GABRG1: variants seen among roughly 807,000 people sequenced by gnomAD.
The protein encoded by GABRG1 is gamma-aminobutyric acid receptor subunit gamma-1.
GABRG1 carries 49 observed loss-of-function variants against 49.8 expected under a neutral mutation model. The observed-to-expected ratio is 0.98, with a 90% CI of 0.78 to 1.25. The LOEUF (loss-of-function observed/expected upper bound fraction) is 1.25. Ranked by LOEUF, GABRG1 falls within the 50% of genes most tolerant of loss-of-function variation. GABRG1 has a pLI of 0.00. For missense variants in GABRG1, 552 were observed against 552.3 expected (o/e 1.00, Z 0.01); for synonymous variants, 232 against 185.1 (o/e 1.25, Z -2.06).
At chr4:46,051,721 GA>G in intron 7 of GABRG1, 83 bp from the exon 8 acceptor site, 1 of 803,300 alleles carries the variant, frequency 1.2e-6, no homozygotes, top group Non-Finnish European at 2.0e-6. Flanking sequence ...TATTGTGAGT[GA>G]AATTAAACAA....
At chr4:46,066,050 T>G (rs1420931486) in intron 3 of GABRG1, among the ~76,000 whole-genome samples, 1 of 152,128 alleles carries the variant, frequency 6.6e-6, no homozygotes, top group Non-Finnish European at 1.5e-5. Flanking sequence ...GCATGAGTCA[T>G]GTAAAATGAA....
chr4:46,112,182 T>G (rs1217021144), intron 1 of GABRG1, among the ~76,000 whole-genome samples: 1 of 151,044 alleles, frequency 6.6e-6, no homozygotes, highest in African/African-American at 2.4e-5. Flanking sequence ...GGAAAATACA[T>G]GAACAGACAT....
intron 2 of GABRG1, among the ~76,000 whole-genome samples, chr4:46,094,344 A>C (rs1032491179): frequency 9.9e-5 from 15 of 152,016 alleles, no homozygotes; most frequent in African/African-American, 3.4e-4. Context: ...ACATTGTCTC[A>C]TCTCTACTCT....
At chr4:46,061,100 G>A (rs1329006776) in intron 5 of GABRG1, among the ~76,000 whole-genome samples, 1 of 152,062 alleles carries the variant, frequency 6.6e-6, no homozygotes, top group African/African-American at 2.4e-5. Flanking sequence ...CAAAACCAGA[G>A]AGCTATCACA....
intron 1 of GABRG1, among the ~76,000 whole-genome samples, chr4:46,113,220 A>T (rs1275855478): frequency 1.3e-5 from 2 of 151,158 alleles, no homozygotes; most frequent in African/African-American, 4.8e-5. Flanking sequence ...ATTTATAAAG[A>T]AAAGAGGTTT....
intron 1 of GABRG1, among the ~76,000 whole-genome samples, chr4:46,108,250 G>T (rs1720616494): frequency 1.3e-5 from 2 of 150,882 alleles, no homozygotes; most frequent in Non-Finnish European, 3.0e-5. Flanking sequence ...AAGCATTATG[G>T]CCTGTCAGGG....
chr4:46,078,875 C>A (rs1719457695), intron 3 of GABRG1, among the ~76,000 whole-genome samples: 1 of 151,818 alleles, frequency 6.6e-6, no homozygotes. Context: ...GGTAGACAGT[C>A]TTGAATTGGT....
chr4:46,052,014 T>C (rs1718242993), intron 7 of GABRG1, among the ~76,000 whole-genome samples: 1 of 151,932 alleles, frequency 6.6e-6, no homozygotes, highest in South Asian at 2.1e-4. Flanking sequence ...AAGTCAAGAA[T>C]GTAGGCAACA....
chr4:46,096,060 G>A (rs548199935), intron 2 of GABRG1, among the ~76,000 whole-genome samples: 31 of 151,880 alleles, frequency 2.0e-4, no homozygotes, highest in African/African-American at 7.2e-4. Flanking sequence ...AGAATGGGTG[G>A]TATTTGGTTT....
chr4:46,058,922 C>A (rs1483950332), intron 5 of GABRG1, among the ~76,000 whole-genome samples: 1 of 152,022 alleles, frequency 6.6e-6, no homozygotes, highest in Non-Finnish European at 1.5e-5. Context: ...TAATAACTAT[C>A]CTAATTTCTG....
chr4:46,106,852 G>T (rs1253153487), intron 1 of GABRG1, among the ~76,000 whole-genome samples: 1 of 150,982 alleles, frequency 6.6e-6, no homozygotes, highest in Non-Finnish European at 1.5e-5. Flanking sequence ...GGAAGAATCT[G>T]TCATGCATGG....
At chr4:46,115,814 T>C (rs1321439053) in intron 1 of GABRG1, among the ~76,000 whole-genome samples, 5 of 150,736 alleles carry the variant, frequency 3.3e-5, no homozygotes, top group Non-Finnish European at 7.5e-5. Flanking sequence ...TTGCCAATCA[T>C]ATCAGAGCAT....
At chr4:46,110,472 C>T (rs1403736572) in intron 1 of GABRG1, among the ~76,000 whole-genome samples, 2 of 150,896 alleles carry the variant, frequency 1.3e-5, no homozygotes, top group Non-Finnish European at 3.0e-5. Flanking sequence ...ACCTGCCACT[C>T]TGTGCCTTTT....
intron 8 of GABRG1, among the ~76,000 whole-genome samples, chr4:46,049,208 G>T (rs887306968): frequency 1.3e-5 from 2 of 151,866 alleles, no homozygotes; most frequent in Non-Finnish European, 2.9e-5. Flanking sequence ...ACAACATCTT[G>T]CAACCAAAGA....
rs1246544926 is a variant in GABRG1 at position 46,036,259 on chromosome 4, C to A, written c.*4729G>T. On this transcript the variant is annotated 3_prime_UTR_variant, in exon 9 of 9. Coordinates refer to ENST00000295452, the MANE Select transcript of GABRG1 (RefSeq NM_173536.4). ...ACACACAGTAGACTATTTCTACCTG[C>A]AATTCTCTTATTCTCTTTGTCCAAA... 1.3e-5 allele frequency: 2 copies of A among 151,616 alleles called. No homozygotes were observed. Among genetic ancestry groups the A allele is most frequent in the African/African-American group, 2.4e-5 (1 of 41,346 alleles). 9.4% of individuals were successfully genotyped at this position (151,616 alleles called of 1,614,324 possible).
chr4:46,045,024 T>C (rs1387875690), intron 8 of GABRG1, among the ~76,000 whole-genome samples: 1 of 152,040 alleles, frequency 6.6e-6, no homozygotes, highest in African/African-American at 2.4e-5. Context: ...AATCCGATGG[T>C]TGCAAACTTG....
In GABRG1 at chr4:46,047,033, GATAAAC is replaced by G. The variant is rs1423353024; in HGVS notation, c.1131+4385_1131+4390del. Among the ~76,000 whole-genome samples, 3 of 151,988 alleles carry G rather than the reference GATAAAC, an allele frequency of 2.0e-5. No individual in the cohort carries two copies. The East Asian group carries it at 5.8e-4, about 29-fold the overall frequency. On this transcript the variant is annotated intron_variant, in intron 8 of 8. Coordinates refer to ENST00000295452, the MANE Select transcript of GABRG1 (RefSeq NM_173536.4). ...GAAAATGTTTCTTTCCTACTTTCAA[GATAAAC>G]ATTACCCAATAGCACTTTCTGTGAT...
At chr4:46,097,663 T>C (rs1175309086) in intron 1 of GABRG1, among the ~76,000 whole-genome samples, 3 of 151,674 alleles carry the variant, frequency 2.0e-5, no homozygotes, top group African/African-American at 7.2e-5. Flanking sequence ...CCTAAATTTG[T>C]ATAACATAAA....
At chr4:46,052,254 C>T (rs2109398416) in intron 7 of GABRG1, among the ~76,000 whole-genome samples, 1 of 151,316 alleles carries the variant, frequency 6.6e-6, no homozygotes, top group Non-Finnish European at 1.5e-5. Context: ...ATACCTACCC[C>T]TAGACTTCAC....
Sources: gnomAD v4.1 joint callset for allele counts (sites outside exome capture counted in the v4.1 genomes callset) on GRCh38, gnomAD v4.1.1 for gene constraint, MANE v1.5 for transcripts, NCBI Gene and HGNC (gene_info 2026-07-23, HGNC 2026-07-21) for gene names.